PARPBP: variants seen among roughly 807,000 people sequenced by gnomAD.
PARPBP encodes PARP1 binding protein, also known as PCNA-interacting partner.
PARPBP carries 52 observed loss-of-function variants against 50.0 expected under a neutral mutation model. The observed-to-expected ratio is 1.04, with a 90% CI of 0.83 to 1.31. PARPBP has a LOEUF of 1.31. Among genes scored for constraint, PARPBP ranks in the 50% most tolerant of loss-of-function variants. The pLI is 0.00. For missense variants in PARPBP, 697 were observed against 672.0 expected (o/e 1.04, Z -0.41); for synonymous variants, 244 against 232.1 (o/e 1.05, Z -0.47).
intron 2 of PARPBP, among the ~76,000 whole-genome samples, chr12:102,134,784 T>C (rs1328515721): frequency 6.6e-6 from 1 of 152,072 alleles, no homozygotes; most frequent in Non-Finnish European, 1.5e-5. Flanking sequence ...GCTTAGGTGA[T>C]TTTTACCTCA....
chr12:102,164,350 G>T (rs1038951419), intron 4 of PARPBP, 88 bp from the exon 5 acceptor site: 2 of 937,066 alleles, frequency 2.1e-6, no homozygotes, highest in Non-Finnish European at 3.3e-6. Flanking sequence ...GTGATTGAAT[G>T]ATTACATACA....
rs1891349889 is a variant in PARPBP at position 102,196,794 on chromosome 12, T to A, written c.*503T>A. On this transcript the variant is annotated 3_prime_UTR_variant, in exon 11 of 11. Coordinates refer to ENST00000327680, the MANE Select transcript of PARPBP (RefSeq NM_017915.5). ...AAAGAATGGATCTAGTATAACTAAT[T>A]CTGAGTAAACCAAAATGATAATAAT... The A allele has an allele frequency of 2.6e-6, 3 of 1,155,660 alleles. No individual in the cohort carries two copies. The Admixed American group carries it at 5.7e-5, about 22-fold the overall frequency. The allele number at this position is 1,155,660 out of a possible 1,614,324, so 71.6% of individuals were successfully genotyped here. A position where few individuals can be genotyped will look rare whatever the true frequency, so the allele number is the denominator to read the frequency against.
intron 8 of PARPBP, 107 bp downstream of exon 8, chr12:102,178,877 A>G: frequency 3.1e-6 from 2 of 644,676 alleles, no homozygotes; most frequent in Non-Finnish European, 5.0e-6. Flanking sequence ...ATTGTGAAGA[A>G]AGAAAATAAA....
intron 2 of PARPBP, among the ~76,000 whole-genome samples, chr12:102,141,452 G>A (rs1884586198): frequency 6.6e-6 from 1 of 152,096 alleles, no homozygotes; most frequent in Non-Finnish European, 1.5e-5. Flanking sequence ...TTGCCAGTCT[G>A]TGTCTTTTAA....
intron 2 of PARPBP, among the ~76,000 whole-genome samples, chr12:102,132,551 C>T (rs1883031244): frequency 6.6e-6 from 1 of 152,102 alleles, no homozygotes; most frequent in South Asian, 2.1e-4. Flanking sequence ...ATTTGGATTA[C>T]CATAGTTTTG....
At chr12:102,188,836 C>T (rs942023767) in intron 9 of PARPBP, among the ~76,000 whole-genome samples, 1 of 151,600 alleles carries the variant, frequency 6.6e-6, no homozygotes, top group Non-Finnish European at 1.5e-5. Context: ...GATTTAGAAT[C>T]GATGACATAG....
chr12:102,151,626 T>C, intron 3 of PARPBP: 1 of 1,535,604 alleles, frequency 6.5e-7, no homozygotes, highest in Non-Finnish European at 8.7e-7. Flanking sequence ...CTAGGCCAGA[T>C]CTCTTGGCTC....
rs1349350580 is a variant in PARPBP, at chr12:102,195,956, G to A, written c.1405G>A (p.Val469Ile). 2 of 1,584,654 alleles carry A rather than the reference G, an allele frequency of 1.3e-6. No homozygotes were observed. Among genetic ancestry groups the A allele is most frequent in the African/African-American group, 1.4e-5 (1 of 73,736 alleles). The change falls in exon 11 of 11, where the codon GTA becomes ATA. Residue 469 changes from valine to isoleucine, a missense_variant. By Grantham distance (29) the Val-to-Ile change is conservative. Transcript: ENST00000327680. Reference sequence around the variant, plus strand: ...CTTTTTATCTTGCATAACAGAGGGTGTAAATCCATCTGTTGGAAGATCAAC... The same window carrying A: ...CTTTTTATCTTGCATAACAGAGGGTATAAATCCATCTGTTGGAAGATCAAC... The part of the protein sequence containing the change: ...LYMENDLSEG[V>I]NPSVGRSTIG...
chr12:102,178,874 A>T (rs1889557890), intron 8 of PARPBP, 104 bp downstream of exon 8: 1 of 695,770 alleles, frequency 1.4e-6, no homozygotes. Context: ...GAAATTGTGA[A>T]GAAAGAAAAT....
intron 4 of PARPBP, among the ~76,000 whole-genome samples, chr12:102,156,050 C>T (rs901802663): frequency 6.6e-6 from 1 of 152,096 alleles, no homozygotes; most frequent in African/African-American, 2.4e-5. Flanking sequence ...GGCCAAGAAC[C>T]CCAGGTCAGA....
chr12:102,182,174 A>G (rs963716777), intron 8 of PARPBP, among the ~76,000 whole-genome samples: 14 of 152,150 alleles, frequency 9.2e-5, no homozygotes, highest in African/African-American at 3.1e-4. Context: ...GTAGAACAAT[A>G]TTCTCTCATG....
chr12:102,173,757 G>A (rs996920653), intron 6 of PARPBP, among the ~76,000 whole-genome samples: 12 of 151,508 alleles, frequency 7.9e-5, no homozygotes, highest in Non-Finnish European at 1.8e-4. Flanking sequence ...TGATCACAGT[G>A]TTACTAGAGA....
At chr12:102,186,978 C>A (rs931847377) in intron 9 of PARPBP, among the ~76,000 whole-genome samples, 3 of 152,026 alleles carry the variant, frequency 2.0e-5, no homozygotes, top group African/African-American at 7.2e-5. Context: ...TTTTATTTAA[C>A]CCCATGGTAT....
At position 102,175,504 on chromosome 12, in the gene PARPBP, G is replaced by A; in HGVS notation, c.843G>A (p.Leu281=). ...TCAGCATTGCAGGGGGTCAAATACT[G>A]TCAGTGATAAAGATGCAACTGATTA... is the stretch of plus-strand genomic sequence containing the variant. ...PNPSIAGGQI[L]SVIKMQLIKG... Residue 281 remains leucine (L), a synonymous_variant, in exon 7 of 11, where the codon CTG becomes CTA. Transcript: ENST00000327680. The A allele has an allele frequency of 1.2e-6, 2 of 1,613,146 alleles. No individual in the cohort carries two copies. Among genetic ancestry groups the A allele is most frequent in the African/African-American group, 1.3e-5 (1 of 75,008 alleles).
At chr12:102,180,902 A>G (rs2136913866) in intron 8 of PARPBP, among the ~76,000 whole-genome samples, 1 of 152,314 alleles carries the variant, frequency 6.6e-6, no homozygotes, top group East Asian at 1.9e-4. Context: ...AAGGTTATCA[A>G]CTATTCTTTC....
At chr12:102,120,852 G>A (rs1047214799) in intron 1 of PARPBP, among the ~76,000 whole-genome samples, 1 of 152,172 alleles carries the variant, frequency 6.6e-6, no homozygotes, top group Non-Finnish European at 1.5e-5. Context: ...AAGGACTACA[G>A]GTCATAAAGG....
chr12:102,129,859 C>G (rs1882583169), intron 2 of PARPBP, among the ~76,000 whole-genome samples: 1 of 152,148 alleles, frequency 6.6e-6, no homozygotes, highest in South Asian at 2.1e-4. Flanking sequence ...GTCAAACTTC[C>G]AGTGACATTC....
chr12:102,196,277 T>G lies in PARPBP; in HGVS notation c.1726T>G (p.Phe576Val), dbSNP rs1323416952. ...LISGQAKLTQ[F>V]FRL Reference sequence around the variant, plus strand: ...TTCTGGCCAGGCAAAGTTAACTCAGTTTTTTAGACTATAAATTTGTGTCTT... The same window carrying G: ...TTCTGGCCAGGCAAAGTTAACTCAGGTTTTTAGACTATAAATTTGTGTCTT... The change falls in exon 11 of 11, where the codon TTT (phenylalanine) becomes GTT (valine). Residue 576 changes from phenylalanine (F) to valine (V), a missense_variant. By Grantham distance (50) the Phe-to-Val change is conservative. Coordinates refer to ENST00000327680, the MANE Select transcript of PARPBP (RefSeq NM_017915.5). 1.3e-6 allele frequency: 2 copies of G among 1,580,884 alleles called. No homozygotes were observed. Among genetic ancestry groups the G allele is most frequent in the South Asian group, 2.3e-5 (2 of 85,110 alleles).
intron 2 of PARPBP, among the ~76,000 whole-genome samples, chr12:102,147,881 C>A (rs1256172403): frequency 1.3e-5 from 2 of 151,840 alleles, no homozygotes; most frequent in African/African-American, 4.8e-5. Flanking sequence ...CAAAATTTTC[C>A]CCCATCAATA....
Sources: allele counts gnomAD v4.1 joint callset (sites outside exome capture counted in the v4.1 genomes callset), GRCh38; gene constraint gnomAD v4.1.1; transcripts MANE v1.5; gene names NCBI Gene and HGNC (gene_info 2026-07-23, HGNC 2026-07-21).